DLG1: variants seen among roughly 807,000 people sequenced by gnomAD.
DLG1 encodes disks large homolog 1.
Under a neutral mutation model 123.4 loss-of-function variants are expected in DLG1, and 42 were observed. That is an observed-to-expected ratio of 0.34 (90% confidence interval 0.27 to 0.44). The LOEUF (loss-of-function observed/expected upper bound fraction) is 0.44. Ranked by LOEUF, DLG1 falls within the 20% of genes least tolerant of loss-of-function variation. The pLI is 1.00. For missense variants in DLG1, 942 were observed against 1,082.6 expected (o/e 0.87, Z 1.82); for synonymous variants, 317 against 356.2 (o/e 0.89, Z 1.24).
chr3:197,080,967 A>C lies in DLG1; in HGVS notation c.1905+84T>G, dbSNP rs974830922. 2.3e-6 allele frequency: 3 copies of C among 1,304,210 alleles called. No individual in the cohort carries two copies. The Admixed American group carries it at 5.9e-5, about 26-fold the overall frequency. 80.8% of individuals were successfully genotyped at this position (1,304,210 alleles called of 1,614,324 possible). On this transcript the variant is annotated intron_variant, in intron 17 of 24. Coordinates refer to ENST00000667157, the MANE Select transcript of DLG1 (RefSeq NM_001366207.1). ...GCACCATGGCAAGAACTGATCATGA[A>C]TAATTCTGATAGCAAAATCCTTTTC...
chr3:197,285,681 C>T (rs1032394168), intron 3 of DLG1, among the ~76,000 whole-genome samples: 3 of 152,100 alleles, frequency 2.0e-5, no homozygotes, highest in Admixed American at 6.6e-5. Flanking sequence ...CAAATTAAAA[C>T]AAGATACTAC....
chr3:197,105,803 A>G (rs966430641), intron 13 of DLG1, among the ~76,000 whole-genome samples: 36 of 152,352 alleles, frequency 2.4e-4, no homozygotes, highest in Middle Eastern at 3.4e-3. Flanking sequence ...TTATACTTGA[A>G]TGTAATAAAC....
intron 4 of DLG1, among the ~76,000 whole-genome samples, chr3:197,240,941 T>A (rs1490652701): frequency 6.6e-6 from 1 of 152,040 alleles, no homozygotes; most frequent in Admixed American, 6.6e-5. Flanking sequence ...ATGTAAGAAT[T>A]ATTAGTGTTC....
At chr3:197,275,108 C>T (rs1765766855) in intron 4 of DLG1, among the ~76,000 whole-genome samples, 1 of 151,546 alleles carries the variant, frequency 6.6e-6, no homozygotes, top group Non-Finnish European at 1.5e-5. Flanking sequence ...ATTGCTTGGA[C>T]CTGGGAGGTG....
chr3:197,263,831 C>T (rs1310486974), intron 4 of DLG1, among the ~76,000 whole-genome samples: 1 of 152,054 alleles, frequency 6.6e-6, no homozygotes, highest in Non-Finnish European at 1.5e-5. Flanking sequence ...AAATACCTAC[C>T]ACTTTATCCC....
intron 18 of DLG1, chr3:197,070,355 C>T (rs1186919367): frequency 6.7e-6 from 1 of 150,134 alleles, no homozygotes; most frequent in Non-Finnish European, 1.5e-5. Context: ...CTTCTGTGAT[C>T]CTCCCATCTT....
At chr3:197,230,794 T>C (rs1742532508) in intron 4 of DLG1, among the ~76,000 whole-genome samples, 1 of 152,190 alleles carries the variant, frequency 6.6e-6, no homozygotes, top group Non-Finnish European at 1.5e-5. Flanking sequence ...GATCACAAAG[T>C]GATGTTACAT....
At chr3:197,198,534 C>T (rs1359479480) in intron 4 of DLG1, among the ~76,000 whole-genome samples, 2 of 146,886 alleles carry the variant, frequency 1.4e-5, no homozygotes, top group Non-Finnish European at 3.0e-5. Context: ...GAAAATATTA[C>T]AAATAATATA....
chr3:197,293,588 C>G (rs1775957282), intron 3 of DLG1, among the ~76,000 whole-genome samples: 1 of 151,182 alleles, frequency 6.6e-6, no homozygotes, highest in East Asian at 2.0e-4. Flanking sequence ...GGAACCTAAT[C>G]TATGTATCAA....
intron 4 of DLG1, among the ~76,000 whole-genome samples, chr3:197,261,211 G>C (rs1052005727): frequency 1.3e-5 from 2 of 152,156 alleles, no homozygotes; most frequent in Non-Finnish European, 2.9e-5. Flanking sequence ...CAGACACAGG[G>C]GACATGGCAG....
intron 12 of DLG1, among the ~76,000 whole-genome samples, 187 bp from the exon 13 acceptor site, chr3:197,116,270 A>G (rs1248051922): frequency 5.3e-5 from 8 of 152,284 alleles, no homozygotes; most frequent in African/African-American, 1.9e-4. Flanking sequence ...GAAAAAATCT[A>G]ATTTTATATA....
chr3:197,290,485 G>A (rs1774286628), intron 3 of DLG1, among the ~76,000 whole-genome samples: 1 of 152,058 alleles, frequency 6.6e-6, no homozygotes. Context: ...ATCAAAATCA[G>A]TATCATCAAC....
At chr3:197,262,229 A>G (rs916945432) in intron 4 of DLG1, among the ~76,000 whole-genome samples, 1 of 152,154 alleles carries the variant, frequency 6.6e-6, no homozygotes, top group Admixed American at 6.5e-5. Context: ...TCCACCCACC[A>G]ACCTCCAGGA....
Position 197,084,582 on chromosome 3 carries a change from T to G in DLG1, c.1838+998A>C, listed in dbSNP as rs545164346. Among the ~76,000 whole-genome samples the G allele has an allele frequency of 3.9e-5, 6 of 152,118 alleles. No homozygotes were observed. The East Asian group carries it at 1.2e-3, about 29-fold the overall frequency. Reference sequence around the variant, plus strand: ...ACCTCGGCCTCCTAAAGTGCTGGGATTACAGGTGTGAGCCACTGCACCTGG... The same window carrying G: ...ACCTCGGCCTCCTAAAGTGCTGGGAGTACAGGTGTGAGCCACTGCACCTGG... On this transcript the variant is annotated intron_variant, in intron 16 of 24. Transcript: ENST00000667157.
intron 4 of DLG1, among the ~76,000 whole-genome samples, chr3:197,235,877 G>T (rs993949927): frequency 6.6e-6 from 1 of 152,062 alleles, no homozygotes; most frequent in African/African-American, 2.4e-5. Flanking sequence ...TAAAACTTAA[G>T]TATGCTCAAG....
intron 5 of DLG1, among the ~76,000 whole-genome samples, chr3:197,154,669 T>C (rs1457919611): frequency 6.6e-6 from 1 of 151,638 alleles, no homozygotes; most frequent in Non-Finnish European, 1.5e-5. Context: ...AGCCAGACTC[T>C]GTCTCAAGAA....
chr3:197,298,287 G>A, intron 1 of DLG1: 1 of 381,862 alleles, frequency 2.6e-6, no homozygotes, highest in Non-Finnish European at 4.6e-6. Context: ...AACGGAAGGG[G>A]TACCCGGGGA....
At chr3:197,206,635 G>C (rs1272523536) in intron 4 of DLG1, among the ~76,000 whole-genome samples, 1 of 152,062 alleles carries the variant, frequency 6.6e-6, no homozygotes, top group Admixed American at 6.6e-5. Flanking sequence ...CCATTAATCT[G>C]ATTAATGGGG....
rs575717765 is a variant in DLG1, at chr3:197,093,299, T to C, written c.1547-2273A>G. On this transcript the variant is annotated intron_variant, in intron 14 of 24. Transcript: ENST00000667157. ...TCAGCCTCCCAAGGAGCTGGGACTA[T>C]AGACATGCGCTAACATGCCCAGCTA... is the stretch of plus-strand genomic sequence containing the variant. Among the ~76,000 whole-genome samples the C allele has an allele frequency of 7.2e-5, 11 of 152,200 alleles. No individual in the cohort carries two copies. The South Asian group carries it at 1.9e-3, about 26-fold the overall frequency.
Sources: gnomAD v4.1 joint callset for allele counts (sites outside exome capture counted in the v4.1 genomes callset) on GRCh38, gnomAD v4.1.1 for gene constraint, MANE v1.5 for transcripts, NCBI Gene and HGNC (gene_info 2026-07-23, HGNC 2026-07-21) for gene names.